The following BBX variants were observed in gnomAD, a reference collection of about 807,000 sequenced individuals.
BBX encodes the protein HMG box transcription factor BBX.
Under a neutral mutation model 100.2 loss-of-function variants are expected in BBX, and 30 were observed. That is an observed-to-expected ratio of 0.30 (90% CI 0.22 to 0.41). The LOEUF is 0.41. Among genes scored for constraint, BBX ranks in the 10% least tolerant of loss-of-function variants. The pLI, the probability that BBX is intolerant of heterozygous loss-of-function variation, is 1.00. For synonymous variants in BBX, 376 were observed against 388.1 expected, an observed-to-expected ratio of 0.97 and a Z score of 0.37; for missense variants, 1,023 against 1,129.8, an observed-to-expected ratio of 0.91 and a Z score of 1.35.
At chr3:107,764,040 T>C (rs757266105) in intron 10 of BBX, among the ~76,000 whole-genome samples, 8 of 152,220 alleles carry the variant, frequency 5.3e-5, no homozygotes, top group South Asian at 2.1e-4. Flanking sequence ...TCGCCCAGGC[T>C]GGAGTGCAGT....
At chr3:107,794,544 A>G (rs902894460) in intron 15 of BBX, among the ~76,000 whole-genome samples, 1 of 152,092 alleles carries the variant, frequency 6.6e-6, no homozygotes, top group Non-Finnish European at 1.5e-5. Context: ...TTATAGTTAG[A>G]TTTTCACACA....
intron 6 of BBX, among the ~76,000 whole-genome samples, chr3:107,729,707 A>G (rs1046421129): frequency 5.9e-5 from 9 of 152,194 alleles, no homozygotes; most frequent in African/African-American, 1.4e-4. Context: ...TGAAGTTGCA[A>G]TTGAGCTACA....
In BBX at chr3:107,785,832, A is replaced by G. The variant is rs543754859; in HGVS notation, c.2204-3955A>G. 3.5e-4 allele frequency among the ~76,000 whole-genome samples: 54 copies of G among 152,200 alleles called. No homozygotes were observed. The South Asian group carries it at 5.4e-3, about 15-fold the overall frequency. ...TGGACTAGAGGTTCTAGCCAGGGCA[A>G]TTAGGTAAGAAACAGAAACAAAAGG... On this transcript the variant is annotated intron_variant, in intron 13 of 17. Coordinates refer to ENST00000325805, the MANE Select transcript of BBX (RefSeq NM_001142568.3).
intron 2 of BBX, among the ~76,000 whole-genome samples, chr3:107,575,124 G>C (rs583305): frequency 2.0e-5 from 3 of 152,042 alleles, no homozygotes; most frequent in Non-Finnish European, 4.4e-5. Flanking sequence ...AAAACAATTC[G>C]TCTCAGTGAA....
chr3:107,665,785 A>G (rs1213138394), intron 3 of BBX, among the ~76,000 whole-genome samples: 1 of 152,196 alleles, frequency 6.6e-6, no homozygotes, highest in Non-Finnish European at 1.5e-5. Flanking sequence ...GCTATACAGC[A>G]TAACCCCATG....
chr3:107,574,376 C>G (rs2051615068), intron 2 of BBX, among the ~76,000 whole-genome samples: 1 of 152,172 alleles, frequency 6.6e-6, no homozygotes, highest in Non-Finnish European at 1.5e-5. Context: ...TTATTTCACT[C>G]TTTGCAATTT....
chr3:107,616,573 G>GT (rs1416642820), intron 2 of BBX, among the ~76,000 whole-genome samples: 2 of 151,890 alleles, frequency 1.3e-5, no homozygotes, highest in Non-Finnish European at 2.9e-5. Context: ...GTGTGTGTGT[G>GT]TTTTTTTAAA....
At chr3:107,761,599 C>T (rs776329090) in intron 10 of BBX, among the ~76,000 whole-genome samples, 1 of 152,170 alleles carries the variant, frequency 6.6e-6, no homozygotes, top group Non-Finnish European at 1.5e-5. Context: ...AACACTGAAC[C>T]TGATTGTTTG....
At chr3:107,616,333 A>G (rs1553745607) in intron 2 of BBX, among the ~76,000 whole-genome samples, 5 of 152,058 alleles carry the variant, frequency 3.3e-5, no homozygotes, top group Non-Finnish European at 7.4e-5. Context: ...GATCTAAAGC[A>G]TTTTGGACAT....
chr3:107,616,258 G>A (rs763977655), intron 2 of BBX, among the ~76,000 whole-genome samples: 1 of 151,116 alleles, frequency 6.6e-6, no homozygotes, highest in Non-Finnish European at 1.5e-5. Flanking sequence ...TTTTGAATTC[G>A]GTATGCTCAA....
At chr3:107,540,503 A>G (rs2048792195) in intron 2 of BBX, among the ~76,000 whole-genome samples, 1 of 152,198 alleles carries the variant, frequency 6.6e-6, no homozygotes. Context: ...ATCAGCATCA[A>G]GATCAGAGGC....
intron 3 of BBX, among the ~76,000 whole-genome samples, chr3:107,649,879 C>T (rs2057738470): frequency 6.6e-6 from 1 of 152,114 alleles, no homozygotes; most frequent in African/African-American, 2.4e-5. Context: ...TTGGAAGTCC[C>T]AAGGACAGAG....
chr3:107,526,950 A>G (rs1013545607), intron 2 of BBX, among the ~76,000 whole-genome samples: 1 of 152,240 alleles, frequency 6.6e-6, no homozygotes. Flanking sequence ...AAAATTGATC[A>G]TAATTTCTTT....
Position 107,604,246 on chromosome 3 carries a change from T to C in BBX, c.-83-41590T>C, listed in dbSNP as rs193204231. Among the ~76,000 whole-genome samples the C allele has an allele frequency of 1.7e-4, 26 of 152,308 alleles. No homozygotes were observed. The East Asian group carries it at 3.9e-3, about 23-fold the overall frequency. On this transcript the variant is annotated intron_variant, in intron 2 of 17. Transcript: ENST00000325805. ...ACATTCCTAGTGCTATAGCAGCCTG[T>C]TCCGTTTTGGGTACTGTTTGTATCT... is the stretch of plus-strand genomic sequence containing the variant.
In BBX at chr3:107,772,747, G is replaced by A. The variant is rs369678121; in HGVS notation, c.1026G>A (p.Met342Ile). Residue 342 changes from methionine to isoleucine, a missense_variant, in exon 11 of 18, where the codon ATG becomes ATA. Physicochemically the swap from Met to Ile is conservative, Grantham distance 10 (BLOSUM62 1). Transcript: ENST00000325805. ...EKGKEEKEIKMEKTDETRLQK... is the reference protein window; with the variant it reads ...EKGKEEKEIKIEKTDETRLQK... ...GAAAGGAAGAAAAAGAAATTAAAAT[G>A]GAGAAAACAGATGAAACTAGGTTAC... The A allele has an allele frequency of 3.8e-5, 62 of 1,612,492 alleles. No homozygotes were observed. The African/African-American group carries it at 7.9e-4, about 21-fold the overall frequency.
At chr3:107,719,208 G>A (rs1320292549) in intron 5 of BBX, among the ~76,000 whole-genome samples, 1 of 151,966 alleles carries the variant, frequency 6.6e-6, no homozygotes, top group African/African-American at 2.4e-5. Context: ...CTTTTTAGAT[G>A]TGTAACGTTT....
At chr3:107,644,876 C>T (rs1234329714) in intron 2 of BBX, among the ~76,000 whole-genome samples, 1 of 151,974 alleles carries the variant, frequency 6.6e-6, no homozygotes, top group Non-Finnish European at 1.5e-5. Flanking sequence ...TCAGATGAAT[C>T]ATTACATATT....
At chr3:107,793,078 T>C (rs1208273220) in intron 15 of BBX, among the ~76,000 whole-genome samples, 2 of 152,140 alleles carry the variant, frequency 1.3e-5, no homozygotes, top group Non-Finnish European at 2.9e-5. Context: ...ATAATTTGTG[T>C]GTTTAGAGAT....
chr3:107,801,246 G>A lies in BBX; in HGVS notation c.2703G>A (p.Ala901=), dbSNP rs143153808. 1.2e-4 allele frequency: 199 copies of A among 1,614,144 alleles called. 1 individual carries two copies. In the Middle Eastern group the frequency reaches 1.3e-3, roughly 11 times the overall value. The part of the protein sequence containing the change: ...PAVSAFFSLA[A]LAEVAAMENV... Reference sequence around the variant, plus strand: ...TGTCTGCGTTCTTTAGCCTCGCTGCGCTGGCTGAAGTGGCAGCCATGGAAA... The same window carrying A: ...TGTCTGCGTTCTTTAGCCTCGCTGCACTGGCTGAAGTGGCAGCCATGGAAA... The change falls in exon 17 of 18, where the codon GCG becomes GCA. Residue 901 remains alanine, a synonymous_variant. Transcript: ENST00000325805.
Sources: gnomAD v4.1 joint callset for allele counts (sites outside exome capture counted in the v4.1 genomes callset) on GRCh38, gnomAD v4.1.1 for gene constraint, MANE v1.5 for transcripts, NCBI Gene and HGNC (gene_info 2026-07-23, HGNC 2026-07-21) for gene names.